The following FSD1L variants were observed in gnomAD, a reference collection of about 807,000 sequenced individuals.
FSD1L encodes the protein FSD1-like protein.
A neutral mutation model predicts 71.6 loss-of-function variants in FSD1L; 45 were observed. The observed-to-expected ratio is 0.63, with a 90% CI of 0.49 to 0.81. The LOEUF is 0.81. FSD1L is among the 30% of genes least tolerant of loss of function. The pLI is 0.00. For synonymous variants in FSD1L, 197 were observed against 207.2 expected, an observed-to-expected ratio of 0.95 and a Z score of 0.42; for missense variants, 561 against 618.1, an observed-to-expected ratio of 0.91 and a Z score of 0.98.
At chr9:105,480,253 C>G (rs1832080546) in intron 6 of FSD1L, among the ~76,000 whole-genome samples, 2 of 151,054 alleles carry the variant, frequency 1.3e-5, no homozygotes, top group South Asian at 4.2e-4. Flanking sequence ...AACAGTGCCT[C>G]TATTGTTAAT....
chr9:105,523,855 C>T (rs1338097532), intron 10 of FSD1L: 68 of 1,597,394 alleles, frequency 4.3e-5, no homozygotes, highest in Non-Finnish European at 5.4e-5. Context: ...CAATTTTTTT[C>T]ACTTGGTTTG....
chr9:105,546,552 G>A lies in FSD1L; in HGVS notation c.*69G>A. 7.1e-7 allele frequency: 1 copy of A among 1,415,756 alleles called. No homozygotes were observed. 87.7% of individuals were successfully genotyped at this position (1,415,756 alleles called of 1,614,324 possible). A position where few individuals can be genotyped will look rare whatever the true frequency, so the allele number is the denominator to read the frequency against. On this transcript the variant is annotated 3_prime_UTR_variant, in exon 14 of 14. Transcript: ENST00000481272. ...CTTTTCTGTGCAGTTACTAATCACA[G>A]GAATTTGGTAGTAGTGAAAATCAGG...
chr9:105,467,731 C>A lies in FSD1L; in HGVS notation c.208-462C>A, dbSNP rs2149593. Among the ~76,000 whole-genome samples the A allele has an allele frequency of 1.4e-4, 22 of 151,978 alleles. No homozygotes were observed. The South Asian group carries it at 4.4e-3, about 30-fold the overall frequency. On this transcript the variant is annotated intron_variant, in intron 3 of 13. Coordinates refer to ENST00000481272, the MANE Select transcript of FSD1L (RefSeq NM_001145313.3). The stretch of plus-strand genomic sequence containing the variant: ...AAGATTTTAAAATTTAGACAAAATC[C>A]GCCTCATTTCTGTATGTGCAAAGTG...
chr9:105,491,934 C>T (rs1832970323), intron 7 of FSD1L, among the ~76,000 whole-genome samples: 3 of 152,154 alleles, frequency 2.0e-5, no homozygotes, highest in Admixed American at 2.0e-4. Flanking sequence ...CATCAATGTT[C>T]ATCAAGGATA....
chr9:105,453,473 C>G (rs1830176182), intron 1 of FSD1L, among the ~76,000 whole-genome samples: 1 of 151,898 alleles, frequency 6.6e-6, no homozygotes, highest in Non-Finnish European at 1.5e-5. Flanking sequence ...TGCGCCTGGC[C>G]TAAAATTACT....
rs1288793936 is a variant in FSD1L, at chr9:105,551,857, A to T, written c.*5374A>T. The stretch of plus-strand genomic sequence containing the variant: ...GGGCTGCCCAGTGCCACATGCAAAG[A>T]GTGTATTTGGTCTAAACAGTTCTTT... On this transcript the variant is annotated 3_prime_UTR_variant, in exon 14 of 14. Coordinates refer to ENST00000481272, the MANE Select transcript of FSD1L (RefSeq NM_001145313.3). 2.0e-5 allele frequency: 3 copies of T among 152,178 alleles called. No homozygotes were observed. In the East Asian group the frequency reaches 5.8e-4, roughly 29 times the overall value. 9.4% of individuals were successfully genotyped at this position (152,178 alleles called of 1,614,324 possible).
intron 3 of FSD1L, among the ~76,000 whole-genome samples, 166 bp downstream of exon 3, chr9:105,464,497 C>T (rs1830926784): frequency 1.3e-5 from 2 of 152,062 alleles, no homozygotes; most frequent in African/African-American, 4.8e-5. Flanking sequence ...CTGTTTTGTC[C>T]ATGGAAAAAT....
chr9:105,530,728 C>G (rs1181032750), intron 10 of FSD1L: 1 of 501,832 alleles, frequency 2.0e-6, no homozygotes, highest in Non-Finnish European at 3.5e-6. Flanking sequence ...GAAAAAGTTT[C>G]CTGATTGTTT....
intron 7 of FSD1L, among the ~76,000 whole-genome samples, chr9:105,489,646 C>A (rs1029043675): frequency 1.3e-5 from 2 of 152,106 alleles, no homozygotes; most frequent in African/African-American, 2.4e-5. Context: ...CTAAAGCTAT[C>A]CCTCCCCACT....
intron 10 of FSD1L, among the ~76,000 whole-genome samples, chr9:105,531,522 T>C (rs551684915): frequency 1.3e-5 from 2 of 152,316 alleles, no homozygotes; most frequent in African/African-American, 2.4e-5. Flanking sequence ...AGAGCTAGTG[T>C]TCTCAGGTTA....
chr9:105,486,423 G>A (rs911384217), intron 7 of FSD1L, among the ~76,000 whole-genome samples: 1 of 152,174 alleles, frequency 6.6e-6, no homozygotes, highest in African/African-American at 2.4e-5. Flanking sequence ...AGGTGGCACA[G>A]GTTACCAGTT....
chr9:105,489,951 G>A (rs922489033), intron 7 of FSD1L, among the ~76,000 whole-genome samples: 2 of 152,286 alleles, frequency 1.3e-5, no homozygotes, highest in African/African-American at 4.8e-5. Flanking sequence ...TGTGAATAGT[G>A]CTGCAATAAA....
At chr9:105,480,355 C>T (rs1033194765) in intron 6 of FSD1L, among the ~76,000 whole-genome samples, 6 of 147,884 alleles carry the variant, frequency 4.1e-5, no homozygotes, top group Admixed American at 2.0e-4. Flanking sequence ...TGCAGTGGTG[C>T]GATCTTGTCA....
At chr9:105,535,001 G>A (rs1317978345) in intron 11 of FSD1L, 66 bp from the exon 12 acceptor site, 109 of 1,485,026 alleles carry the variant, frequency 7.3e-5, no homozygotes, top group Non-Finnish European at 9.3e-5. Context: ...TGGGACGAGT[G>A]GTAGGTAAAA....
chr9:105,456,748 C>T (rs1288184888), intron 1 of FSD1L, among the ~76,000 whole-genome samples: 1 of 152,218 alleles, frequency 6.6e-6, no homozygotes, highest in Non-Finnish European at 1.5e-5. Flanking sequence ...CCTGTGCAGA[C>T]TTCCTATGGA....
intron 4 of FSD1L, among the ~76,000 whole-genome samples, chr9:105,471,016 C>G (rs1317564266): frequency 6.6e-6 from 1 of 152,120 alleles, no homozygotes; most frequent in Non-Finnish European, 1.5e-5. Context: ...CTCCAACCTT[C>G]CCTTTTCCCT....
intron 7 of FSD1L, among the ~76,000 whole-genome samples, chr9:105,494,077 A>G (rs550397403): frequency 1.1e-4 from 16 of 152,294 alleles, no homozygotes; most frequent in African/African-American, 3.4e-4. Flanking sequence ...GTTCTCCTGG[A>G]TAATATCCTG....
chr9:105,514,941 C>T (rs1834613343), intron 10 of FSD1L, among the ~76,000 whole-genome samples: 1 of 152,156 alleles, frequency 6.6e-6, no homozygotes, highest in African/African-American at 2.4e-5. Flanking sequence ...CACTCCTCCC[C>T]TGACCTCTGC....
At chr9:105,489,653 C>T (rs1382207503) in intron 7 of FSD1L, among the ~76,000 whole-genome samples, 1 of 152,150 alleles carries the variant, frequency 6.6e-6, no homozygotes, top group Non-Finnish European at 1.5e-5. Flanking sequence ...TATCCCTCCC[C>T]ACTCCCCTCA....
Sources: allele counts gnomAD v4.1 joint callset (sites outside exome capture counted in the v4.1 genomes callset), GRCh38; gene constraint gnomAD v4.1.1; transcripts MANE v1.5; gene names NCBI Gene and HGNC (gene_info 2026-07-23, HGNC 2026-07-21).